The following CDH18 variants were observed in gnomAD, a reference collection of about 807,000 sequenced individuals.
CDH18 encodes the protein cadherin 18.
In CDH18, 31 loss-of-function variants were observed where a neutral mutation model predicts 67.9. The observed-to-expected ratio is 0.46, with a 90% CI of 0.34 to 0.62. The LOEUF (loss-of-function observed/expected upper bound fraction) is 0.62. CDH18 is among the 20% of genes least tolerant of loss of function. The pLI is 0.01. For missense variants in CDH18, 890 were observed against 975.5 expected (o/e 0.91, Z 1.17); for synonymous variants, 362 against 347.2 (o/e 1.04, Z -0.48).
At chr5:20,337,350 T>C (rs1314889717) in intron 1 of CDH18, among the ~76,000 whole-genome samples, 1 of 152,194 alleles carries the variant, frequency 6.6e-6, no homozygotes, top group Non-Finnish European at 1.5e-5. Flanking sequence ...TCTGCTTTCA[T>C]TATAAAACTC....
At chr5:19,898,608 G>T (rs1317488888) in intron 2 of CDH18, among the ~76,000 whole-genome samples, 1 of 146,986 alleles carries the variant, frequency 6.8e-6, no homozygotes, top group Non-Finnish European at 1.5e-5. Flanking sequence ...TTCAGTATAT[G>T]AATTCTTAAT....
At chr5:20,233,711 T>C (rs1247712847) in intron 2 of CDH18, among the ~76,000 whole-genome samples, 1 of 152,122 alleles carries the variant, frequency 6.6e-6, no homozygotes, top group Non-Finnish European at 1.5e-5. Context: ...AACCTGGTAT[T>C]CCATAGTATT....
intron 2 of CDH18, among the ~76,000 whole-genome samples, chr5:19,962,673 G>A (rs868865918): frequency 9.9e-5 from 15 of 152,102 alleles, no homozygotes; most frequent in Middle Eastern, 3.4e-3. Context: ...CTACTCAGGA[G>A]GCTGAGGCAA....
At position 20,492,663 on chromosome 5, in the gene CDH18, A is replaced by G. The variant is rs191619587; in HGVS notation, c.-580+82799T>C. Among the ~76,000 whole-genome samples, 810 of 152,314 alleles carry G rather than the reference A, an allele frequency of 5.3e-3. 9 individuals are homozygous for G. The highest frequency in any genetic ancestry group is 0.019 in the African/African-American group (775 of 41,566). On this transcript the variant is annotated intron_variant, in intron 1 of 14. Transcript: ENST00000507958. ...AAGTAAATGGTATAATAAGAAAAAG[A>G]AAGTTTGAGACATATTTAAGATATT...
Position 19,918,845 on chromosome 5 carries a change from G to A in CDH18, c.-257+62215C>T, listed in dbSNP as rs544990954. ...CCTCTGAATGACAGAGGTGATAAGC[G>A]TGTCTTTTATAATTTATAAGAAACC... On this transcript the variant is annotated intron_variant, in intron 2 of 12. Coordinates refer to ENST00000382275, the MANE Select transcript of CDH18 (RefSeq NM_004934.5). Among the ~76,000 whole-genome samples, 11 of 152,156 alleles carry A rather than the reference G, an allele frequency of 7.2e-5. No homozygotes were observed. The East Asian group carries it at 7.7e-4, about 11-fold the overall frequency.
chr5:20,445,962 G>A (rs567115557), intron 1 of CDH18, among the ~76,000 whole-genome samples: 2 of 152,042 alleles, frequency 1.3e-5, no homozygotes, highest in African/African-American at 2.4e-5. Context: ...GGGGCTTGGT[G>A]GGGGGAGTTG....
At chr5:19,701,908 C>T (rs572980858) in intron 5 of CDH18, among the ~76,000 whole-genome samples, 11 of 152,194 alleles carry the variant, frequency 7.2e-5, no homozygotes, top group South Asian at 4.2e-4. Flanking sequence ...TATACATCTA[C>T]GGAATGCATG....
At chr5:20,085,213 T>C (rs1337646184) in intron 2 of CDH18, among the ~76,000 whole-genome samples, 1 of 152,148 alleles carries the variant, frequency 6.6e-6, no homozygotes, top group Non-Finnish European at 1.5e-5. Flanking sequence ...TCTCTCAAGT[T>C]CAAAGTTCCA....
intron 1 of CDH18, among the ~76,000 whole-genome samples, chr5:20,391,712 G>T (rs1013427116): frequency 6.6e-6 from 1 of 151,856 alleles, no homozygotes; most frequent in Admixed American, 6.6e-5. Context: ...TTCACAATTT[G>T]GTCTCTGACA....
At chr5:20,147,481 T>A (rs957170796) in intron 2 of CDH18, among the ~76,000 whole-genome samples, 9 of 152,160 alleles carry the variant, frequency 5.9e-5, no homozygotes, top group African/African-American at 2.2e-4. Context: ...ATTTAAAAAT[T>A]AAAATCTTTT....
At chr5:20,292,645 T>G (rs893464224) in intron 1 of CDH18, among the ~76,000 whole-genome samples, 1 of 152,158 alleles carries the variant, frequency 6.6e-6, no homozygotes, top group Non-Finnish European at 1.5e-5. Flanking sequence ...CATGTCTTTG[T>G]GAAGGACATG....
chr5:20,265,546 G>C (rs1744968043), intron 1 of CDH18, among the ~76,000 whole-genome samples: 1 of 151,404 alleles, frequency 6.6e-6, no homozygotes, highest in African/African-American at 2.4e-5. Context: ...CGTAAGCTAA[G>C]AACATGGACT....
At chr5:19,864,088 T>C (rs933830220) in intron 2 of CDH18, among the ~76,000 whole-genome samples, 8 of 151,190 alleles carry the variant, frequency 5.3e-5, no homozygotes, top group South Asian at 2.1e-4. Context: ...CGTATGTTTA[T>C]TGCGGCACTA....
At chr5:20,161,688 T>G (rs1735903719) in intron 2 of CDH18, among the ~76,000 whole-genome samples, 1 of 152,238 alleles carries the variant, frequency 6.6e-6, no homozygotes, top group Admixed American at 6.5e-5. Flanking sequence ...TTCTACTATC[T>G]CTCATTTATG....
intron 9 of CDH18, among the ~76,000 whole-genome samples, chr5:19,535,666 A>G (rs1263378248): frequency 6.6e-6 from 1 of 152,158 alleles, no homozygotes; most frequent in Non-Finnish European, 1.5e-5. Context: ...AAAATAACTA[A>G]AAAGACTCAA....
intron 11 of CDH18, among the ~76,000 whole-genome samples, chr5:19,488,666 T>C (rs1740792779): frequency 6.6e-6 from 1 of 152,208 alleles, no homozygotes; most frequent in Non-Finnish European, 1.5e-5. Context: ...TCCCTTTCCA[T>C]AATCGGTACT....
At chr5:20,133,675 T>G (rs947131684) in intron 2 of CDH18, among the ~76,000 whole-genome samples, 1 of 152,072 alleles carries the variant, frequency 6.6e-6, no homozygotes, top group Non-Finnish European at 1.5e-5. Context: ...ATTCTTTATA[T>G]TCTATATATT....
At chr5:19,798,571 T>A (rs72740826) in intron 3 of CDH18, among the ~76,000 whole-genome samples, 11 of 151,828 alleles carry the variant, frequency 7.2e-5, no homozygotes, top group Non-Finnish European at 1.2e-4. Flanking sequence ...ATGCTTTTTT[T>A]CCCTCATATT....
intron 2 of CDH18, among the ~76,000 whole-genome samples, chr5:19,873,173 G>A (rs1786516693): frequency 6.6e-6 from 1 of 150,564 alleles, no homozygotes. Flanking sequence ...TGGATGCAGA[G>A]GACTTTGAAA....
Sources: gnomAD v4.1 joint callset for allele counts (sites outside exome capture counted in the v4.1 genomes callset) on GRCh38, gnomAD v4.1.1 for gene constraint, MANE v1.5 for transcripts, NCBI Gene and HGNC (gene_info 2026-07-23, HGNC 2026-07-21) for gene names.